The following ELMOD2 variants were observed in gnomAD, a reference collection of about 807,000 sequenced individuals.
ELMOD2 encodes ELMO domain-containing protein 2.
A neutral mutation model predicts 41.0 loss-of-function variants in ELMOD2; 28 were observed. The ratio of observed to expected loss-of-function variants is 0.68; its 90% CI spans 0.51 to 0.94. The LOEUF (loss-of-function observed/expected upper bound fraction) is 0.94, where lower values mean the gene tolerates loss of function less well. Among genes scored for constraint, ELMOD2 ranks in the 40% least tolerant of loss-of-function variants. ELMOD2 has a pLI of 0.00. For synonymous variants in ELMOD2, 106 were observed against 107.2 expected (o/e 0.99, Z 0.07); for missense variants, 333 against 343.1 (o/e 0.97, Z 0.23).
chr4:140,538,897 T>C (rs1735017110), intron 5 of ELMOD2, among the ~76,000 whole-genome samples: 1 of 152,230 alleles, frequency 6.6e-6, no homozygotes, highest in African/African-American at 2.4e-5. Flanking sequence ...TTCATGCATA[T>C]TAAATTTTTA....
At position 140,552,100 on chromosome 4, in the gene ELMOD2, T is replaced by C. The variant is rs1735485214; in HGVS notation, c.*1725T>C. 1 of 152,000 alleles carries C rather than the reference T, an allele frequency of 6.6e-6. No individual in the cohort carries two copies. The highest frequency in any genetic ancestry group is 2.4e-5 in the African/African-American group (1 of 41,412). The allele number at this position is 152,000 out of a possible 1,614,324, so 9.4% of individuals were successfully genotyped here. On this transcript the variant is annotated 3_prime_UTR_variant, in exon 9 of 9. Coordinates refer to ENST00000323570, the MANE Select transcript of ELMOD2 (RefSeq NM_153702.4). ...CAATATGTCGCAAAATCCTGACAAG[T>C]TCATTGTATTAAGGTATTAACTATT... is the stretch of plus-strand genomic sequence containing the variant.
chr4:140,526,717 A>G (rs1734575616), intron 2 of ELMOD2: 1 of 152,228 alleles, frequency 6.6e-6, no homozygotes, highest in South Asian at 2.1e-4. Flanking sequence ...TGGTTGACTT[A>G]AATTATTGCT....
chr4:140,526,906 T>C (rs950517601), intron 2 of ELMOD2: 5 of 152,296 alleles, frequency 3.3e-5, no homozygotes, highest in African/African-American at 9.6e-5. Context: ...AGATTATTCG[T>C]AAATGTGCCA....
At chr4:140,545,812 C>G (rs981631727) in intron 8 of ELMOD2, among the ~76,000 whole-genome samples, 2 of 151,842 alleles carry the variant, frequency 1.3e-5, no homozygotes, top group Non-Finnish European at 2.9e-5. Flanking sequence ...GTTAGAATGG[C>G]GATCATTAAA....
rs184171971 is a variant in ELMOD2, at chr4:140,543,650, A to G, written c.736+64A>G. ...ATAATTCTTAAACCACTAGGAATGT[A>G]TAATATATATTTTAATCTGTTGTCT... On this transcript the variant is annotated intron_variant, in intron 8 of 8. Coordinates refer to ENST00000323570, the MANE Select transcript of ELMOD2 (RefSeq NM_153702.4). The G allele has an allele frequency of 1.2e-3, 1,434 of 1,219,356 alleles. 1 individual carries two copies. The highest frequency in any genetic ancestry group is 1.4e-3 in the Non-Finnish European group (1,288 of 906,126). The allele number at this position is 1,219,356 out of a possible 1,614,324, so 75.5% of individuals were successfully genotyped here. A position where few individuals can be genotyped will look rare whatever the true frequency, so the allele number is the denominator to read the frequency against.
intron 8 of ELMOD2, among the ~76,000 whole-genome samples, chr4:140,545,813 G>A (rs573685171): frequency 1.2e-3 from 187 of 151,952 alleles, no homozygotes; most frequent in Non-Finnish European, 2.4e-3. Context: ...TTAGAATGGC[G>A]ATCATTAAAA....
chr4:140,535,751 CAT>C lies in ELMOD2; in HGVS notation c.191_192del (p.His64ArgfsTer5), dbSNP rs755282018. The C allele has an allele frequency of 1.9e-5, 31 of 1,609,810 alleles. No individual in the cohort carries two copies. Among genetic ancestry groups the C allele is most frequent in the Non-Finnish European group, 1.7e-5 (20 of 1,178,908 alleles). ...SKNKVLQKAT[H>X]VVQSEVDKYV... Reference sequence around the variant, plus strand: ...TAAATAGGTTTTACAGAAGGCGACACATGTTGTTCAGAGTGAAGTGGACAAAT... The same window carrying C: ...TAAATAGGTTTTACAGAAGGCGACACGTTGTTCAGAGTGAAGTGGACAAAT... On this transcript the variant is annotated frameshift_variant, in exon 4 of 9. Coordinates refer to ENST00000323570, the MANE Select transcript of ELMOD2 (RefSeq NM_153702.4). LOFTEE classifies it high-confidence loss of function.
intron 7 of ELMOD2, 123 bp downstream of exon 7, chr4:140,542,765 AGG>A: frequency 1.4e-6 from 1 of 705,852 alleles, no homozygotes; most frequent in Non-Finnish European, 2.2e-6. Context: ...AACTTTTTAA[AGG>A]ATATTACATG....
chr4:140,530,969 C>T (rs368698539), intron 3 of ELMOD2, among the ~76,000 whole-genome samples: 9 of 152,072 alleles, frequency 5.9e-5, no homozygotes, highest in African/African-American at 1.9e-4. Flanking sequence ...TTCATACCCA[C>T]ATAGTTGTTT....
chr4:140,535,630 G>T (rs985862954), intron 3 of ELMOD2, 103 bp from the exon 4 acceptor site: 2 of 1,033,844 alleles, frequency 1.9e-6, no homozygotes, highest in African/African-American at 1.7e-5. Context: ...GGTTTATTTT[G>T]CATTTTTAAT....
intron 3 of ELMOD2, among the ~76,000 whole-genome samples, chr4:140,528,214 G>T (rs1056513793): frequency 6.6e-5 from 10 of 152,182 alleles, no homozygotes; most frequent in Admixed American, 4.6e-4. Flanking sequence ...GGAGAAATAT[G>T]ATATGCCCAC....
At chr4:140,550,207 G>T (rs1169612528) in intron 8 of ELMOD2, 23 bp from the exon 9 acceptor site, 14 of 1,593,064 alleles carry the variant, frequency 8.8e-6, no homozygotes, top group African/African-American at 2.7e-5. Context: ...AGGATTAAAT[G>T]TTTTGTTTTT....
At chr4:140,541,686 A>G (rs1028763295) in intron 6 of ELMOD2, among the ~76,000 whole-genome samples, 5 of 152,102 alleles carry the variant, frequency 3.3e-5, no homozygotes. Context: ...TCCATAATGT[A>G]AGATGGTTCC....
chr4:140,549,057 C>T (rs1735382624), intron 8 of ELMOD2, among the ~76,000 whole-genome samples: 1 of 97,626 alleles, frequency 1.0e-5, no homozygotes, highest in Non-Finnish European at 2.2e-5. Context: ...TCTTGCTCCT[C>T]CCCCCACCAT....
chr4:140,544,403 T>C (rs945389196), intron 8 of ELMOD2, among the ~76,000 whole-genome samples: 2 of 152,164 alleles, frequency 1.3e-5, no homozygotes, highest in Non-Finnish European at 2.9e-5. Flanking sequence ...TGTGTCTGTT[T>C]CTTTCTATAC....
At chr4:140,547,809 T>G (rs1021325039) in intron 8 of ELMOD2, among the ~76,000 whole-genome samples, 4 of 152,158 alleles carry the variant, frequency 2.6e-5, no homozygotes, top group Admixed American at 6.6e-5. Flanking sequence ...TTTAGACATT[T>G]CATATGGTAA....
chr4:140,550,282 C>T lies in ELMOD2; in HGVS notation c.789C>T (p.Ser263=). 1.9e-6 allele frequency: 3 copies of T among 1,611,442 alleles called. No individual in the cohort carries two copies. The highest frequency in any genetic ancestry group is 1.7e-4 in the Middle Eastern group (1 of 6,036). ...DKFWFEEEPE[S]IMYFNLYREK... ...TTTGGTTTGAAGAAGAACCAGAAAG[C>T]ATTATGTATTTCAATTTGTATAGAG... Residue 263 remains serine, a synonymous_variant, in exon 9 of 9, where the codon AGC becomes AGT. Coordinates refer to ENST00000323570, the MANE Select transcript of ELMOD2 (RefSeq NM_153702.4).
chr4:140,525,262 C>T, intron 1 of ELMOD2, 158 bp from the exon 2 acceptor site: 1 of 716,718 alleles, frequency 1.4e-6, no homozygotes, highest in South Asian at 2.0e-5. Context: ...GTATATATTA[C>T]ACCTGCCATT....
chr4:140,537,649 A>G (rs777322790), intron 5 of ELMOD2, 108 bp downstream of exon 5: 25 of 1,341,450 alleles, frequency 1.9e-5, no homozygotes, highest in Non-Finnish European at 2.5e-5. Flanking sequence ...CTAGGCTTAT[A>G]TGGTTTCTTT....
Sources: gnomAD v4.1 joint callset for allele counts (sites outside exome capture counted in the v4.1 genomes callset) on GRCh38, gnomAD v4.1.1 for gene constraint, MANE v1.5 for transcripts, NCBI Gene and HGNC (gene_info 2026-07-23, HGNC 2026-07-21) for gene names.